P3H3: variants seen among roughly 807,000 people sequenced by gnomAD.
P3H3 encodes prolyl 3-hydroxylase 3.
In P3H3, 64 loss-of-function variants were observed where a neutral mutation model predicts 78.1. The ratio of observed to expected loss-of-function variants is 0.82; its 90% CI spans 0.67 to 1.01. The LOEUF (loss-of-function observed/expected upper bound fraction) is 1.01. P3H3 is among the 50% of genes least tolerant of loss of function. P3H3 has a pLI of 0.00. For synonymous variants in P3H3, 425 were observed against 416.7 expected, an observed-to-expected ratio of 1.02 and a Z score of -0.24; for missense variants, 975 against 982.2, an observed-to-expected ratio of 0.99 and a Z score of 0.10.
intron 2 of P3H3, 44 bp from the exon 3 acceptor site, chr12:6,830,309 C>A: frequency 6.5e-7 from 1 of 1,545,264 alleles, no homozygotes; most frequent in South Asian, 1.2e-5. Flanking sequence ...CCCAGTTTGG[C>A]AACCCCTGGA....
Position 6,829,906 on chromosome 12 carries a change from A to G in P3H3, c.546A>G (p.Val182=), listed in dbSNP as rs782206236. The part of the protein sequence containing the change: ...LAAAAAHTFF[V]ANPMHLQMRE... ...CTGCGGCAGCACACACCTTCTTTGT[A>G]GCAAACCCCATGCACCTGCAGATGC... The change falls in exon 2 of 15, where the codon GTA becomes GTG. Residue 182 remains valine, a synonymous_variant. Transcript: ENST00000290510. The surrounding 1 kb of genome is among the most constrained non-coding windows in gnomAD (Gnocchi z 5.1). 1 of 1,614,012 alleles carries G rather than the reference A, an allele frequency of 6.2e-7. No individual in the cohort carries two copies. Among genetic ancestry groups the G allele is most frequent in the Non-Finnish European group, 8.5e-7 (1 of 1,179,884 alleles).
At chr12:6,834,609 A>G (rs1943478149) in intron 9 of P3H3, among the ~76,000 whole-genome samples, 1 of 152,212 alleles carries the variant, frequency 6.6e-6, no homozygotes, top group African/African-American at 2.4e-5. Context: ...AAGGAAATAC[A>G]TAATATAAGC....
intron 9 of P3H3, among the ~76,000 whole-genome samples, chr12:6,836,396 A>G (rs868909896): frequency 6.6e-5 from 10 of 152,150 alleles, no homozygotes; most frequent in African/African-American, 2.4e-4. Context: ...GTAGACATCC[A>G]GATATTAGGA....
In P3H3 at chr12:6,834,009, T is replaced by C. The variant is rs1342938478; in HGVS notation, c.1418T>C (p.Leu473Pro). 6.2e-7 allele frequency: 1 copy of C among 1,613,670 alleles called. No individual in the cohort carries two copies. Among genetic ancestry groups the C allele is most frequent in the Non-Finnish European group, 8.5e-7 (1 of 1,179,876 alleles). The change falls in exon 9 of 15, where the codon CTC becomes CCC. Residue 473 changes from leucine to proline, a missense_variant. Leu to Pro is a moderately conservative substitution (Grantham distance 98, BLOSUM62 -3). Coordinates refer to ENST00000290510, the MANE Select transcript of P3H3 (RefSeq NM_014262.5). ...GAGCGGGCGGTGTTGGATGGGCTGC[T>C]CACCCCAGCCGAGTGTGGGGTGCTG... is the stretch of plus-strand genomic sequence containing the variant. ...GSERAVLDGL[L>P]TPAECGVLLQ...
At position 6,829,848 on chromosome 12, in the gene P3H3, C is replaced by A. The variant is rs367963314; in HGVS notation, c.499-11C>A. 1.2e-6 allele frequency: 2 copies of A among 1,613,712 alleles called. No individual in the cohort carries two copies. The highest frequency in any genetic ancestry group is 1.1e-5 in the South Asian group (1 of 91,080). ...CAGGGCTCTGATGCCCTCCTCCCTT[C>A]GCCTCCTCAGTTGAAGAAGCTGGAT... On this transcript the variant is annotated splice_polypyrimidine_tract_variant and intron_variant, in intron 1 of 14. Coordinates refer to ENST00000290510, the MANE Select transcript of P3H3 (RefSeq NM_014262.5). The surrounding 1 kb of genome is among the most constrained non-coding windows in gnomAD (Gnocchi z 5.1).
intron 10 of P3H3, 91 bp from the exon 11 acceptor site, chr12:6,837,332 G>A: frequency 6.6e-7 from 1 of 1,505,178 alleles, no homozygotes; most frequent in Non-Finnish European, 8.9e-7. Flanking sequence ...AAACCCATGG[G>A]TGGAGAGCGG....
chr12:6,838,660 C>T (rs1936784587), intron 13 of P3H3, among the ~76,000 whole-genome samples: 1 of 152,022 alleles, frequency 6.6e-6, no homozygotes, highest in South Asian at 2.1e-4. Context: ...TCCCCTTCTG[C>T]ATAGAGTCTG....
chr12:6,829,699 T>G lies in P3H3; in HGVS notation c.499-160T>G. 4 of 704,028 alleles carry G rather than the reference T, an allele frequency of 5.7e-6. 1 individual carries two copies. Among genetic ancestry groups the G allele is most frequent in the Non-Finnish European group, 2.4e-6 (1 of 409,752 alleles). The allele number at this position is 704,028 out of a possible 1,614,324, so 43.6% of individuals were successfully genotyped here. On this transcript the variant is annotated intron_variant, in intron 1 of 14. Coordinates refer to ENST00000290510, the MANE Select transcript of P3H3 (RefSeq NM_014262.5). The surrounding 1 kb of genome is among the most constrained non-coding windows in gnomAD (Gnocchi z 5.1). ...TCCCAACGTTCTGGCCTCTAGGGGATCTGCAGTTCGGGCGGTGGGCGGTTC... is the reference window on the plus strand; with the variant it reads ...TCCCAACGTTCTGGCCTCTAGGGGAGCTGCAGTTCGGGCGGTGGGCGGTTC...
chr12:6,829,011 G>A lies in P3H3; in HGVS notation c.498+73G>A. The A allele has an allele frequency of 1.1e-6, 1 of 911,980 alleles. No homozygotes were observed. Among genetic ancestry groups the A allele is most frequent in the Non-Finnish European group, 1.4e-6 (1 of 695,678 alleles). The allele number at this position is 911,980 out of a possible 1,614,324, so 56.5% of individuals were successfully genotyped here. Reference sequence around the variant, plus strand: ...CGCTGTCCTACTTTGCGTTGCCCAGGAGTAGGCGGAATGCTGTTGCCCGGG... The same window carrying A: ...CGCTGTCCTACTTTGCGTTGCCCAGAAGTAGGCGGAATGCTGTTGCCCGGG... On this transcript the variant is annotated intron_variant, in intron 1 of 14. Coordinates refer to ENST00000290510, the MANE Select transcript of P3H3 (RefSeq NM_014262.5). This position sits in a 1 kb window ranked among gnomAD's most constrained non-coding sequence, Gnocchi z 5.1.
intron 6 of P3H3, 30 bp from the exon 7 acceptor site, chr12:6,833,562 G>A (rs782651422): frequency 3.1e-6 from 5 of 1,609,058 alleles, no homozygotes; most frequent in Non-Finnish European, 4.3e-6. Flanking sequence ...TGACCTTGGT[G>A]GGTGATGATG....
In P3H3 at chr12:6,839,017, C is replaced by CT. The variant is rs781992764; in HGVS notation, c.1924dup (p.Cys642LeufsTer37). On this transcript the variant is annotated frameshift_variant, in exon 14 of 15. Coordinates refer to ENST00000290510, the MANE Select transcript of P3H3 (RefSeq NM_014262.5). LOFTEE classifies it high-confidence loss of function. ...CCCTCCAGGCTCGGGTGCGTCCTCGCTGTGGGCGCCTTGTGGCCTTCAGCT... is the reference window on the plus strand; with the variant it reads ...CCCTCCAGGCTCGGGTGCGTCCTCGCTTGTGGGCGCCTTGTGGCCTTCAGCT... The CT allele has an allele frequency of 3.1e-6, 5 of 1,605,524 alleles. No individual in the cohort carries two copies. Among genetic ancestry groups the CT allele is most frequent in the Non-Finnish European group, 1.7e-6 (2 of 1,176,064 alleles).
Position 6,833,771 on chromosome 12 carries a change from A to C in P3H3, c.1295A>C (p.His432Pro), listed in dbSNP as rs1179449659. The part of the protein sequence containing the change: ...REDQEKRPWD[H>P]EPVKPKPLTY... ...GATCAAGAGAAGAGGCCTTGGGACC[A>C]TGAGCCCGTGAAGCCAAAGCCCTTG... The change falls in exon 8 of 15, where the codon CAT becomes CCT. Residue 432 changes from histidine (H) to proline (P), a missense_variant. Coordinates refer to ENST00000290510, the MANE Select transcript of P3H3 (RefSeq NM_014262.5). The C allele has an allele frequency of 4.3e-6, 7 of 1,612,022 alleles. No homozygotes were observed. Among genetic ancestry groups the C allele is most frequent in the Non-Finnish European group, 5.9e-6 (7 of 1,178,114 alleles).
At position 6,828,488 on chromosome 12, in the gene P3H3, C is replaced by T. The variant is rs1173826247; in HGVS notation, c.48C>T (p.Pro16=). The T allele has an allele frequency of 1.5e-6, 2 of 1,310,088 alleles. No individual in the cohort carries two copies. The highest frequency in any genetic ancestry group is 1.5e-5 in the South Asian group (1 of 68,858). The allele number at this position is 1,310,088 out of a possible 1,614,324, so 81.2% of individuals were successfully genotyped here. The change falls in exon 1 of 15, where the codon CCC becomes CCT. Residue 16 remains proline (P), a synonymous_variant. Transcript: ENST00000290510. ...RPLLLLLLLP[P]PGSPEPPGLT... ...TGCTGCTACTGCTGCTGCTGCCTCC[C>T]CCGGGGTCCCCTGAGCCCCCCGGCC...
chr12:6,832,629 T>C (rs1383712170), intron 6 of P3H3, among the ~76,000 whole-genome samples: 1 of 151,608 alleles, frequency 6.6e-6, no homozygotes, highest in African/African-American at 2.4e-5. Context: ...GGAGACAGAG[T>C]CTCACTCTGT....
At chr12:6,837,331 G>A (rs1039640926) in intron 10 of P3H3, 92 bp from the exon 11 acceptor site, 135 of 1,503,222 alleles carry the variant, frequency 9.0e-5, no homozygotes, top group Non-Finnish European at 1.2e-4. Context: ...CAAACCCATG[G>A]GTGGAGAGCG....
In P3H3 at chr12:6,828,448, G is replaced by C. The variant is rs1204441457; in HGVS notation, c.8G>C (p.Arg3Pro). ...GCCGGCGGCTCCGACATCATGCTCC[G>C]GCTCCTCCGGCCGCTGCTGCTACTG... is the stretch of plus-strand genomic sequence containing the variant. MLRLLRPLLLLLL... is the reference protein window; with the variant it reads MLPLLRPLLLLLL... The change falls in exon 1 of 15, where the codon CGG becomes CCG. Residue 3 changes from arginine (R) to proline (P), a missense_variant. Transcript: ENST00000290510. 7 of 801,222 alleles carry C rather than the reference G, an allele frequency of 8.7e-6. No individual in the cohort carries two copies. In the African/African-American group the frequency reaches 1.4e-4, roughly 15 times the overall value. 49.6% of individuals were successfully genotyped at this position (801,222 alleles called of 1,614,324 possible). A position where few individuals can be genotyped will look rare whatever the true frequency, so the allele number is the denominator to read the frequency against.
Position 6,838,028 on chromosome 12 carries a change from G to A in P3H3, c.1900G>A (p.Val634Ile). Residue 634 changes from valine to isoleucine, a missense_variant, in exon 13 of 15, where the codon GTC becomes ATC. Val to Ile is a conservative substitution (Grantham distance 29, BLOSUM62 3). Transcript: ENST00000290510. The stretch of plus-strand genomic sequence containing the variant: ...CTTCACGGAGCCCAACGCCCTCACT[G>A]TCACGGTGCGTGGAGTGGGGGGTGT... ...LFFTEPNALT[V>I]TARVRPRCGR... is the part of the protein sequence containing the mutation. 6.2e-7 allele frequency: 1 copy of A among 1,601,906 alleles called. No individual in the cohort carries two copies. Among genetic ancestry groups the A allele is most frequent in the African/African-American group, 1.3e-5 (1 of 74,832 alleles).
intron 14 of P3H3, 75 bp from the exon 15 acceptor site, chr12:6,839,222 G>A: frequency 1.3e-6 from 2 of 1,568,748 alleles, no homozygotes; most frequent in Non-Finnish European, 1.7e-6. Flanking sequence ...CTCACAGTCG[G>A]TGAGGGTCAG....
intron 2 of P3H3, 126 bp from the exon 3 acceptor site, chr12:6,830,227 T>C: frequency 7.5e-6 from 8 of 1,059,810 alleles, no homozygotes; most frequent in Non-Finnish European, 1.1e-5. Flanking sequence ...CCCACCCTTA[T>C]TCTTCTCCAC....
Sources: gnomAD v4.1 joint callset for allele counts (sites outside exome capture counted in the v4.1 genomes callset) on GRCh38, gnomAD v4.1.1 for gene constraint, Gnocchi (gnomAD v3.1) non-coding constraint, MANE v1.5 for transcripts, NCBI Gene and HGNC (gene_info 2026-07-23, HGNC 2026-07-21) for gene names.